The following PNPLA1 variants were observed in gnomAD, a reference collection of about 807,000 sequenced individuals.
PNPLA1 encodes the protein omega-hydroxyceramide transacylase.
In PNPLA1, 36 loss-of-function variants were observed where a neutral mutation model predicts 51.7. That is an observed-to-expected ratio of 0.70 (90% CI 0.53 to 0.92). The LOEUF is 0.92. Ranked by LOEUF, PNPLA1 falls within the 40% of genes least tolerant of loss-of-function variation. PNPLA1 has a pLI of 0.00. For synonymous variants in PNPLA1, 293 were observed against 280.1 expected (o/e 1.05, Z -0.46); for missense variants, 658 against 682.5 (o/e 0.96, Z 0.40).
intron 1 of PNPLA1, among the ~76,000 whole-genome samples, chr6:36,258,488 C>T (rs190693232): frequency 6.6e-6 from 1 of 152,318 alleles, no homozygotes; most frequent in African/African-American, 2.4e-5. Flanking sequence ...GCCTTTTGAT[C>T]ACTCTCCAGA....
intron 1 of PNPLA1, among the ~76,000 whole-genome samples, chr6:36,254,553 C>T (rs1327817957): frequency 2.0e-5 from 3 of 150,304 alleles, no homozygotes; most frequent in Non-Finnish European, 3.0e-5. Context: ...CCAGCATAGG[C>T]GACGGAGGAA....
intron 1 of PNPLA1, among the ~76,000 whole-genome samples, chr6:36,280,205 AAAAAAC>A (rs1406813448): frequency 6.6e-6 from 1 of 152,208 alleles, no homozygotes; most frequent in East Asian, 1.9e-4. Context: ...ACTCCGTCTC[AAAAAAC>A]AAAAACAAAA....
At chr6:36,307,200 A>G (rs939805716) in intron 7 of PNPLA1, among the ~76,000 whole-genome samples, 4 of 151,928 alleles carry the variant, frequency 2.6e-5, no homozygotes, top group African/African-American at 9.7e-5. Flanking sequence ...TAATGTTTGC[A>G]CTCTCTCTCA....
At chr6:36,275,119 C>T (rs1481640257) in intron 1 of PNPLA1, among the ~76,000 whole-genome samples, 1 of 152,170 alleles carries the variant, frequency 6.6e-6, no homozygotes, top group East Asian at 1.9e-4. Flanking sequence ...CATCCTGTCA[C>T]CCACATCGGA....
intron 1 of PNPLA1, among the ~76,000 whole-genome samples, chr6:36,282,180 A>G (rs146299990): frequency 0.041 from 3,021 of 73,044 alleles, 125 homozygotes; most frequent in African/African-American, 0.1. Flanking sequence ...AGAGACAGAG[A>G]GAAAGAAAGA....
At chr6:36,309,864 G>A (rs1771348538) in intron 8 of PNPLA1, among the ~76,000 whole-genome samples, 1 of 152,134 alleles carries the variant, frequency 6.6e-6, no homozygotes, top group African/African-American at 2.4e-5. Flanking sequence ...AGTGATTCAG[G>A]AAGAGGAGAA....
Position 36,294,296 on chromosome 6 carries a change from G to T in PNPLA1, c.611G>T (p.Cys204Phe). Residue 204 changes from cysteine (C) to phenylalanine (F), a missense_variant, in exon 4 of 9, where the codon TGC (cysteine) becomes TTC (phenylalanine). Coordinates refer to ENST00000636260, the MANE Select transcript of PNPLA1 (RefSeq NM_001374623.1). The surrounding 1 kb of genome is among the most constrained non-coding windows in gnomAD (Gnocchi z 4.2). Reference sequence around the variant, plus strand: ...CAGCAGGACATCTGTCCCCGGGACTGCCCGGCCATCTTCCACGACTTCCGC... The same window carrying T: ...CAGCAGGACATCTGTCCCCGGGACTTCCCGGCCATCTTCCACGACTTCCGC... ...SGQQDICPRDCPAIFHDFRMF... is the reference protein window; with the variant it reads ...SGQQDICPRDFPAIFHDFRMF... 2.5e-6 allele frequency: 4 copies of T among 1,614,210 alleles called. No homozygotes were observed. The highest frequency in any genetic ancestry group is 3.4e-6 in the Non-Finnish European group (4 of 1,180,032).
chr6:36,265,273 G>A (rs949126339), upstream of PNPLA1, among the ~76,000 whole-genome samples: 8 of 152,102 alleles, frequency 5.3e-5, no homozygotes, highest in African/African-American at 9.7e-5. Context: ...CCTGGGACGC[G>A]GTGGTTGCAA....
chr6:36,294,265 A>T lies in PNPLA1; in HGVS notation c.580A>T (p.Ser194Cys). ...WTDAITISTFSGQQDICPRDC... is the reference protein window; with the variant it reads ...WTDAITISTFCGQQDICPRDC... Reference sequence around the variant, plus strand: ...CGACGCCATCACCATCTCCACCTTCAGTGGGCAGCAGGACATCTGTCCCCG... The same window carrying T: ...CGACGCCATCACCATCTCCACCTTCTGTGGGCAGCAGGACATCTGTCCCCG... Residue 194 changes from serine (S) to cysteine (C), a missense_variant, in exon 4 of 9, where the codon AGT becomes TGT. Physicochemically the swap from Ser to Cys is moderately radical, Grantham distance 112 (BLOSUM62 -1). Coordinates refer to ENST00000636260, the MANE Select transcript of PNPLA1 (RefSeq NM_001374623.1). The surrounding 1 kb of genome is among the most constrained non-coding windows in gnomAD (Gnocchi z 4.2). 6.2e-7 allele frequency: 1 copy of T among 1,614,168 alleles called. No individual in the cohort carries two copies. The highest frequency in any genetic ancestry group is 8.5e-7 in the Non-Finnish European group (1 of 1,180,034).
chr6:36,299,247 G>A (rs1770949024), intron 5 of PNPLA1, among the ~76,000 whole-genome samples: 1 of 151,944 alleles, frequency 6.6e-6, no homozygotes, highest in Non-Finnish European at 1.5e-5. Context: ...GTTTTCCAAA[G>A]CAGTTGTACC....
Position 36,302,362 on chromosome 6 carries a change from C to T in PNPLA1, c.1277C>T (p.Ser426Phe). The T allele has an allele frequency of 1.2e-6, 2 of 1,609,284 alleles. No individual in the cohort carries two copies. Among genetic ancestry groups the T allele is most frequent in the South Asian group, 2.2e-5 (2 of 90,728 alleles). ...HSQAPTSPRP[S>F]LGPSTVGAPQ... ...CAGGCACCCACTTCACCCAGGCCATCCCTGGGGCCTTCAACTGTGGGGGCA... is the reference window on the plus strand; with the variant it reads ...CAGGCACCCACTTCACCCAGGCCATTCCTGGGGCCTTCAACTGTGGGGGCA... Residue 426 changes from serine (S) to phenylalanine (F), a missense_variant, in exon 6 of 9, where the codon TCC (serine) becomes TTC (phenylalanine). Coordinates refer to ENST00000636260, the MANE Select transcript of PNPLA1 (RefSeq NM_001374623.1).
intron 1 of PNPLA1, among the ~76,000 whole-genome samples, chr6:36,272,015 C>T (rs552284166): frequency 2.3e-4 from 35 of 152,160 alleles, no homozygotes; most frequent in Admixed American, 1.4e-3. Context: ...TTGACACCAG[C>T]GACTGGTTTT....
rs911250589 is a variant in PNPLA1 at position 36,250,154 on chromosome 6, T to G, written c.-81+6893T>G. On this transcript the variant is annotated intron_variant, in intron 1 of 7. Transcript: ENST00000312917. ...CCAGATATTCTCTTTCCTGGCCTTG[T>G]TCTGCCATGTGATCATGCTTTGGCT... 2.6e-5 allele frequency among the ~76,000 whole-genome samples: 4 copies of G among 152,208 alleles called. No individual in the cohort carries two copies. In the East Asian group the frequency reaches 7.7e-4, roughly 29 times the overall value.
intron 5 of PNPLA1, among the ~76,000 whole-genome samples, chr6:36,296,267 C>A (rs1473820160): frequency 6.6e-6 from 1 of 152,170 alleles, no homozygotes; most frequent in Non-Finnish European, 1.5e-5. Context: ...CAGAGTGAGA[C>A]CCTGTCTCTA....
Position 36,306,331 on chromosome 6 carries a change from T to C in PNPLA1, c.1424T>C (p.Val475Ala), listed in dbSNP as rs1771233127. The part of the protein sequence containing the change: ...LLVSSKPKSA[V>A]PLVHVKETVS... ...GTCTCTTCAAAACCAAAAAGCGCCG[T>C]GCCTCTGGTTCATGTGAAGGAAACC... The change falls in exon 7 of 9, where the codon GTG becomes GCG. Residue 475 changes from valine (V) to alanine (A), a missense_variant. By Grantham distance (64) the Val-to-Ala change is moderately conservative. Transcript: ENST00000636260. 1 of 1,613,210 alleles carries C rather than the reference T, an allele frequency of 6.2e-7. No individual in the cohort carries two copies. The highest frequency in any genetic ancestry group is 1.3e-5 in the African/African-American group (1 of 74,874).
intron 1 of PNPLA1, among the ~76,000 whole-genome samples, chr6:36,250,990 C>A (rs1769410103): frequency 6.6e-6 from 1 of 152,202 alleles, no homozygotes; most frequent in Non-Finnish European, 1.5e-5. Context: ...GTGTGAGCCA[C>A]AGCGCCCGGC....
intron 1 of PNPLA1, among the ~76,000 whole-genome samples, chr6:36,256,798 A>G (rs1769543522): frequency 1.3e-5 from 2 of 152,162 alleles, no homozygotes; most frequent in Non-Finnish European, 2.9e-5. Flanking sequence ...AACAGACAGT[A>G]GACAGATTAA....
At chr6:36,243,762 G>A (rs1769196569) in intron 1 of PNPLA1, among the ~76,000 whole-genome samples, 1 of 152,142 alleles carries the variant, frequency 6.6e-6, no homozygotes, top group Non-Finnish European at 1.5e-5. Context: ...GTATCCTGCA[G>A]GCATAGGGAG....
intron 1 of PNPLA1, among the ~76,000 whole-genome samples, chr6:36,290,365 C>A (rs376348969): frequency 6.6e-6 from 1 of 152,136 alleles, no homozygotes; most frequent in Admixed American, 6.6e-5. Flanking sequence ...GCAGAAGAAG[C>A]TTTTGGCTTA....
Sources: allele counts gnomAD v4.1 joint callset (sites outside exome capture counted in the v4.1 genomes callset), GRCh38; gene constraint gnomAD v4.1.1; non-coding constraint Gnocchi (gnomAD v3.1); transcripts MANE v1.5; gene names NCBI Gene and HGNC (gene_info 2026-07-23, HGNC 2026-07-21).